Variants in DMD observed in about 807,000 individuals in gnomAD.
The protein encoded by DMD is dystrophin, also known as mutant dystrophin.
Under a neutral mutation model 330.1 loss-of-function variants are expected in DMD, and 63 were observed. The observed-to-expected ratio is 0.19, with a 90% confidence interval of 0.16 to 0.24. DMD has a LOEUF of 0.24. Among genes scored for constraint, DMD ranks in the 10% least tolerant of loss-of-function variants. The pLI, the probability that DMD is intolerant of heterozygous loss-of-function variation, is 1.00. For synonymous variants in DMD, 1,223 were observed against 959.8 expected, an observed-to-expected ratio of 1.27 and a Z score of -5.07; for missense variants, 3,344 against 2,684.1, an observed-to-expected ratio of 1.25 and a Z score of -5.43.
At chrX:32,032,248 T>G (rs892186108) in intron 44 of DMD, among the ~76,000 whole-genome samples, 1 of 111,908 alleles carries the variant, frequency 8.9e-6, no homozygotes, top group Non-Finnish European at 1.9e-5. Flanking sequence ...ACATTTTCAT[T>G]TTTAGAGTAC....
At chrX:32,310,709 A>C (rs2097559151) in intron 41 of DMD, among the ~76,000 whole-genome samples, 1 of 110,360 alleles carries the variant, frequency 9.1e-6, no homozygotes, top group South Asian at 3.8e-4. Context: ...AACACAGGCA[A>C]CTTTCCTGTA....
chrX:31,852,218 T>C (rs1184412607), intron 48 of DMD, among the ~76,000 whole-genome samples: 1 of 111,804 alleles, frequency 8.9e-6, no homozygotes, highest in Non-Finnish European at 1.9e-5. Context: ...CTGGCTGCTG[T>C]ATTAAGATTA....
intron 52 of DMD, among the ~76,000 whole-genome samples, chrX:31,715,354 C>T (rs1185157885): frequency 9.5e-6 from 1 of 105,551 alleles, no homozygotes; most frequent in Non-Finnish European, 1.9e-5. Context: ...ACCATCCTGG[C>T]TAACACGGTG....
chrX:32,972,631 A>G (rs1212199881), intron 2 of DMD, among the ~76,000 whole-genome samples: 3 of 112,485 alleles, frequency 2.7e-5, no homozygotes, highest in Non-Finnish European at 5.6e-5. Flanking sequence ...ATATGCCAGT[A>G]TTCACATAGC....
chrX:33,313,596 A>G (rs1411163188), intron 1 of DMD, among the ~76,000 whole-genome samples: 1 of 111,036 alleles, frequency 9.0e-6, no homozygotes, highest in African/African-American at 3.3e-5. Context: ...CTTGTTACCA[A>G]CTGAAGAACT....
chrX:31,710,024 T>C (rs891903090), intron 52 of DMD, among the ~76,000 whole-genome samples: 3 of 112,012 alleles, frequency 2.7e-5, no homozygotes, highest in Non-Finnish European at 5.6e-5. Flanking sequence ...GAGCCTCAGA[T>C]AGCCTGGGGA....
At chrX:31,368,942 G>A (rs2059403130) in intron 60 of DMD, among the ~76,000 whole-genome samples, 1 of 111,376 alleles carries the variant, frequency 9.0e-6, no homozygotes, top group African/African-American at 3.3e-5. Context: ...CACCATGCCC[G>A]GCCCGAGGTC....
At chrX:32,096,698 A>G (rs1320017868) in intron 44 of DMD, among the ~76,000 whole-genome samples, 4 of 111,615 alleles carry the variant, frequency 3.6e-5, no homozygotes, top group African/African-American at 9.8e-5. Context: ...GGACCCAGGT[A>G]GGTGAGGTTC....
At chrX:32,460,185 C>A (rs970412830) in intron 25 of DMD, among the ~76,000 whole-genome samples, 8 of 110,513 alleles carry the variant, frequency 7.2e-5, no homozygotes, top group Non-Finnish European at 1.1e-4. Flanking sequence ...TATCACCTCA[C>A]CCCAGCTAGG....
chrX:32,656,077 A>C (rs1035839286), intron 9 of DMD, among the ~76,000 whole-genome samples: 4 of 111,824 alleles, frequency 3.6e-5, no homozygotes, highest in Non-Finnish European at 7.5e-5. Flanking sequence ...AGTATTAGAA[A>C]GTTTAGGGGA....
chrX:32,143,956 G>A (rs1193497545), intron 44 of DMD, among the ~76,000 whole-genome samples: 1 of 110,152 alleles, frequency 9.1e-6, no homozygotes, highest in Admixed American at 9.9e-5. Flanking sequence ...TGATTATGAG[G>A]CCCAAGAAAA....
intron 1 of DMD, among the ~76,000 whole-genome samples, chrX:33,109,971 T>C (rs2095327119): frequency 9.0e-6 from 1 of 111,612 alleles, no homozygotes; most frequent in Non-Finnish European, 1.9e-5. Context: ...AAAAGGTTTT[T>C]TTGTTTGTTT....
chrX:31,220,896 A>ATT lies in DMD; in HGVS notation c.9361+2149_9361+2150dup, dbSNP rs61226425. On this transcript the variant is annotated intron_variant, in intron 64 of 78. Coordinates refer to ENST00000357033, the MANE Select transcript of DMD (RefSeq NM_004006.3). ...TAAAACATTTTTTTTTTTTTTTGCG[A>ATT]TTTTTTTTTTTTTTTTTTTTTTTTT... Among the ~76,000 whole-genome samples the ATT allele has an allele frequency of 5.5e-3, 193 of 34,816 alleles. 4 individuals carry two copies. The East Asian group carries it at 0.1, about 18-fold the overall frequency. The allele number at this position is 34,816 out of a possible 115,157, so 30.2% of individuals were successfully genotyped here.
At chrX:33,009,053 T>C (rs767832813) in intron 2 of DMD, among the ~76,000 whole-genome samples, 51 of 94,415 alleles carry the variant, frequency 5.4e-4, no homozygotes, top group Middle Eastern at 0.014. Context: ...TGTATATGTG[T>C]CTATATGCAT....
intron 55 of DMD, among the ~76,000 whole-genome samples, chrX:31,561,425 T>C (rs1404715163): frequency 8.9e-6 from 1 of 111,781 alleles, no homozygotes; most frequent in East Asian, 2.8e-4. Flanking sequence ...TAAGGAAACC[T>C]GGCTGGAGTG....
intron 49 of DMD, among the ~76,000 whole-genome samples, chrX:31,822,637 C>G (rs2092787250): frequency 2.8e-5 from 1 of 36,355 alleles, no homozygotes; most frequent in Non-Finnish European, 4.5e-5. Context: ...TTTGGCCATA[C>G]AGAAAAAGGC....
intron 62 of DMD, among the ~76,000 whole-genome samples, chrX:31,280,712 T>G (rs1188858834): frequency 8.9e-6 from 1 of 112,312 alleles, no homozygotes. Flanking sequence ...ACACAGGATG[T>G]TTACATAAAT....
intron 2 of DMD, among the ~76,000 whole-genome samples, chrX:32,853,769 G>GAAAAAAAAAAAAAAAAA (rs1162458210): frequency 7.1e-5 from 4 of 56,084 alleles, no homozygotes; most frequent in African/African-American, 1.5e-4. Flanking sequence ...CACAGTGACA[G>GAAAAAAAAAAAAAAAAA]AAAAAAAAAA....
intron 7 of DMD, among the ~76,000 whole-genome samples, chrX:32,744,365 C>A (rs916729834): frequency 9.0e-6 from 1 of 110,920 alleles, no homozygotes; most frequent in Non-Finnish European, 1.9e-5. Context: ...CTGCCACAAC[C>A]TTTTTGGTCT....
Sources: gnomAD v4.1 joint callset for allele counts (sites outside exome capture counted in the v4.1 genomes callset) on GRCh38, gnomAD v4.1.1 for gene constraint, MANE v1.5 for transcripts, NCBI Gene and HGNC (gene_info 2026-07-23, HGNC 2026-07-21) for gene names.